The following ABI3BP variants were observed in gnomAD, a reference collection of about 807,000 sequenced individuals.
The protein encoded by ABI3BP is target of Nesh-SH3.
ABI3BP carries 216 observed loss-of-function variants against 268.6 expected under a neutral mutation model. The observed-to-expected ratio is 0.80, with a 90% CI of 0.72 to 0.90. The LOEUF is 0.90. Ranked by LOEUF, ABI3BP falls within the 40% of genes least tolerant of loss-of-function variation. The pLI, the probability that ABI3BP is intolerant of heterozygous loss-of-function variation, is 0.00. For missense variants in ABI3BP, 2,090 were observed against 2,182.4 expected, an observed-to-expected ratio of 0.96 and a Z score of 0.84; for synonymous variants, 730 against 730.0, an observed-to-expected ratio of 1.00 and a Z score of 0.00.
intron 63 of ABI3BP, among the ~76,000 whole-genome samples, chr3:100,760,489 CAG>C (rs775996361): frequency 6.6e-6 from 1 of 152,046 alleles, no homozygotes. Context: ...AGACTGCAGA[CAG>C]AGATTTAAAG....
At chr3:100,774,294 A>G (rs1459823297) in intron 61 of ABI3BP, among the ~76,000 whole-genome samples, 3 of 152,098 alleles carry the variant, frequency 2.0e-5, no homozygotes, top group African/African-American at 4.8e-5. Context: ...ATTTTGCATT[A>G]TTACGAAAAT....
intron 1 of ABI3BP, among the ~76,000 whole-genome samples, chr3:100,939,422 T>C (rs1309731722): frequency 6.6e-6 from 1 of 152,012 alleles, no homozygotes; most frequent in African/African-American, 2.4e-5. Context: ...TCCTTAAGCG[T>C]CAGCCAGCTT....
At chr3:100,827,910 GTTGA>G (rs1335494694) in intron 34 of ABI3BP, among the ~76,000 whole-genome samples, 2 of 151,924 alleles carry the variant, frequency 1.3e-5, no homozygotes, top group African/African-American at 2.4e-5. Context: ...CACATTATCT[GTTGA>G]TTAATTCACT....
At chr3:100,909,149 C>A (rs1028005919) in intron 2 of ABI3BP, among the ~76,000 whole-genome samples, 1 of 152,098 alleles carries the variant, frequency 6.6e-6, no homozygotes, top group Admixed American at 6.5e-5. Context: ...CAAAAACAAG[C>A]AAATGGAGAA....
chr3:100,860,673 C>T (rs112628820), intron 14 of ABI3BP, among the ~76,000 whole-genome samples: 2,123 of 152,188 alleles, frequency 0.014, 46 homozygotes, highest in African/African-American at 0.049. Flanking sequence ...ATTAAAGTCT[C>T]GAAAATGGTT....
intron 63 of ABI3BP, among the ~76,000 whole-genome samples, chr3:100,764,493 A>G (rs1024651447): frequency 6.6e-6 from 1 of 152,258 alleles, no homozygotes; most frequent in African/African-American, 2.4e-5. Context: ...AACTGTATTC[A>G]ACATTCAGAT....
At chr3:100,815,171 T>C (rs550991238) in intron 44 of ABI3BP, among the ~76,000 whole-genome samples, 66 of 152,266 alleles carry the variant, frequency 4.3e-4, no homozygotes, top group African/African-American at 1.1e-3. Context: ...GTTGCTATAG[T>C]GTTTGTAGGT....
intron 2 of ABI3BP, among the ~76,000 whole-genome samples, chr3:100,909,184 G>T (rs1450617446): frequency 6.6e-6 from 1 of 152,200 alleles, no homozygotes; most frequent in African/African-American, 2.4e-5. Context: ...AACAAATGGT[G>T]TTGGGAAAAC....
At position 100,811,228 on chromosome 3, in the gene ABI3BP, A is replaced by T; in HGVS notation, c.3541+2T>A. ...CCAGGGTTGGGCTACCGAGGTTATT[A>T]CCTAGTGTGGTCTCAGGTGGTTCAG... is the stretch of plus-strand genomic sequence containing the variant. On this transcript the variant is annotated splice_donor_variant, in intron 48 of 67. Coordinates refer to ENST00000471714, the MANE Select transcript of ABI3BP (RefSeq NM_001375547.2). LOFTEE classifies it high-confidence loss of function. 4 of 1,533,812 alleles carry T rather than the reference A, an allele frequency of 2.6e-6. No homozygotes were observed. The highest frequency in any genetic ancestry group is 3.5e-6 in the Non-Finnish European group (4 of 1,145,614).
chr3:100,980,005 C>T (rs911997629), intron 1 of ABI3BP, among the ~76,000 whole-genome samples: 1 of 152,142 alleles, frequency 6.6e-6, no homozygotes, highest in Admixed American at 6.5e-5. Context: ...ATTAGTCATT[C>T]TGGTAACTCA....
intron 4 of ABI3BP, among the ~76,000 whole-genome samples, chr3:100,894,755 C>A (rs549389064): frequency 7.7e-4 from 117 of 151,620 alleles, no homozygotes; most frequent in African/African-American, 2.8e-3. Context: ...CTGGCTAACA[C>A]GGTGAAACCC....
At chr3:100,892,503 A>T (rs2045203862) in intron 4 of ABI3BP, among the ~76,000 whole-genome samples, 1 of 152,256 alleles carries the variant, frequency 6.6e-6, no homozygotes, top group Non-Finnish European at 1.5e-5. Flanking sequence ...TGCCAATCAC[A>T]GTTACCTGGT....
At chr3:100,786,185 G>A (rs532416809) in intron 57 of ABI3BP, among the ~76,000 whole-genome samples, 39 of 152,200 alleles carry the variant, frequency 2.6e-4, no homozygotes, top group South Asian at 1.9e-3. Flanking sequence ...TATAGACCAG[G>A]CACAAAAAAT....
At chr3:100,972,328 T>C (rs1002555372) in intron 1 of ABI3BP, among the ~76,000 whole-genome samples, 1 of 152,172 alleles carries the variant, frequency 6.6e-6, no homozygotes, top group African/African-American at 2.4e-5. Context: ...ATTTATAAAG[T>C]ACTTTTAAGA....
chr3:100,808,601 CAT>C (rs987521181), intron 49 of ABI3BP, among the ~76,000 whole-genome samples: 3 of 151,958 alleles, frequency 2.0e-5, no homozygotes, highest in Non-Finnish European at 2.9e-5. Context: ...AATGCAGACA[CAT>C]ATGTTTTCTA....
chr3:100,825,089 G>A (rs867740259), intron 35 of ABI3BP, 148 bp from the exon 36 acceptor site: 16 of 676,722 alleles, frequency 2.4e-5, no homozygotes, highest in Middle Eastern at 2.8e-4. Flanking sequence ...ATAACGATGC[G>A]TCATTTTATC....
At chr3:100,919,400 G>T (rs76356684) in intron 2 of ABI3BP, among the ~76,000 whole-genome samples, 2 of 151,872 alleles carry the variant, frequency 1.3e-5, no homozygotes, top group East Asian at 3.9e-4. Context: ...AAATTCTAAG[G>T]GTTGCCATGG....
intron 29 of ABI3BP, among the ~76,000 whole-genome samples, chr3:100,834,464 A>C (rs2098544582): frequency 6.6e-6 from 1 of 152,146 alleles, no homozygotes; most frequent in African/African-American, 2.4e-5. Flanking sequence ...ATTGAATGTC[A>C]GAGAAGCAAG....
chr3:100,815,858 T>G (rs556946421), intron 44 of ABI3BP, 54 bp downstream of exon 44: 3 of 1,340,694 alleles, frequency 2.2e-6, no homozygotes, highest in East Asian at 5.0e-5. Flanking sequence ...AGTGCTCAAG[T>G]GCGTTTTTAA....
Sources: allele counts gnomAD v4.1 joint callset (sites outside exome capture counted in the v4.1 genomes callset), GRCh38; gene constraint gnomAD v4.1.1; transcripts MANE v1.5; gene names NCBI Gene and HGNC (gene_info 2026-07-23, HGNC 2026-07-21).